Variants in COL4A1 observed in about 807,000 individuals in gnomAD.
The protein encoded by COL4A1 is collagen alpha-1(IV) chain.
Under a neutral mutation model 216.6 loss-of-function variants are expected in COL4A1, and 40 were observed. The ratio of observed to expected loss-of-function variants is 0.18; its 90% CI spans 0.14 to 0.24. The LOEUF (loss-of-function observed/expected upper bound fraction) is 0.24, where lower values mean the gene tolerates loss of function less well. COL4A1 is among the 10% of genes least tolerant of loss of function. The pLI is 1.00. For synonymous variants in COL4A1, 839 were observed against 810.7 expected, an observed-to-expected ratio of 1.03 and a Z score of -0.59; for missense variants, 1,628 against 2,196.8, an observed-to-expected ratio of 0.74 and a Z score of 5.18.
chr13:110,259,963 G>C (rs779336263), intron 1 of COL4A1, among the ~76,000 whole-genome samples: 1 of 152,216 alleles, frequency 6.6e-6, no homozygotes, highest in African/African-American at 2.4e-5. Context: ...CTGCATCCCC[G>C]TTACTCTGAA....
chr13:110,172,568 A>G (rs555769888), intron 41 of COL4A1, 152 bp downstream of exon 41: 2 of 762,026 alleles, frequency 2.6e-6, no homozygotes, highest in African/African-American at 3.4e-5. Flanking sequence ...TGTGTCTTGC[A>G]GGCATTGCCC....
At chr13:110,181,797 T>A (rs1878170656) in intron 28 of COL4A1, among the ~76,000 whole-genome samples, 1 of 152,114 alleles carries the variant, frequency 6.6e-6, no homozygotes, top group African/African-American at 2.4e-5. Flanking sequence ...CAGGGGTCTA[T>A]AAGGCAGGCC....
chr13:110,169,086 T>C (rs1877481763), intron 43 of COL4A1, among the ~76,000 whole-genome samples: 1 of 151,252 alleles, frequency 6.6e-6, no homozygotes, highest in South Asian at 2.1e-4. Context: ...GGTCACTTAT[T>C]GCACCCTGAG....
At chr13:110,213,616 G>A (rs886080951) in intron 4 of COL4A1, among the ~76,000 whole-genome samples, 166 bp downstream of exon 4, 6 of 152,158 alleles carry the variant, frequency 3.9e-5, no homozygotes, top group Admixed American at 3.3e-4. Flanking sequence ...AGGGAGTCAC[G>A]GGCTGCTCCT....
At position 110,253,340 on chromosome 13, in the gene COL4A1, A is replaced by G. The variant is rs1396828584; in HGVS notation, c.85-10606T>C. Among the ~76,000 whole-genome samples the G allele has an allele frequency of 4.6e-5, 3 of 64,630 alleles. 1 individual carries two copies. Among genetic ancestry groups the G allele is most frequent in the Admixed American group, 2.1e-4 (1 of 4,736 alleles). 42.4% of individuals were successfully genotyped at this position (64,630 alleles called of 152,430 possible). The stretch of plus-strand genomic sequence containing the variant: ...ATATACATATAATTATATGTATTAC[A>G]TATACATATAATTATATGTATTACA... On this transcript the variant is annotated intron_variant, in intron 1 of 51. Coordinates refer to ENST00000375820, the MANE Select transcript of COL4A1 (RefSeq NM_001845.6).
chr13:110,238,063 T>C (rs1196077764), intron 2 of COL4A1, among the ~76,000 whole-genome samples: 2 of 152,344 alleles, frequency 1.3e-5, no homozygotes, highest in South Asian at 4.1e-4. Context: ...GCAGTCTTGG[T>C]TGTTCTATCT....
chr13:110,222,505 G>A (rs189699991), intron 2 of COL4A1, among the ~76,000 whole-genome samples: 3 of 136,704 alleles, frequency 2.2e-5, no homozygotes, highest in Non-Finnish European at 3.3e-5. Flanking sequence ...CGGGCGCGGT[G>A]GCTCACGCCT....
At chr13:110,247,364 T>G (rs1881864757) in intron 1 of COL4A1, among the ~76,000 whole-genome samples, 1 of 151,958 alleles carries the variant, frequency 6.6e-6, no homozygotes, top group African/African-American at 2.4e-5. Context: ...ATGAAAGGAA[T>G]GCAAAAGGTA....
intron 1 of COL4A1, among the ~76,000 whole-genome samples, chr13:110,293,608 G>A (rs886928266): frequency 4.6e-5 from 7 of 152,148 alleles, no homozygotes; most frequent in Admixed American, 6.5e-5. Context: ...CTGCACTTTC[G>A]AACATGCTGT....
chr13:110,229,999 T>A (rs1264357954), intron 2 of COL4A1, among the ~76,000 whole-genome samples: 4 of 152,114 alleles, frequency 2.6e-5, no homozygotes, highest in African/African-American at 9.7e-5. Flanking sequence ...TCCTGTCCCC[T>A]TCCACAGCAT....
At chr13:110,272,173 C>T (rs670846) in intron 1 of COL4A1, among the ~76,000 whole-genome samples, 152,050 of 152,378 alleles carry the variant, frequency 1, 75,861 homozygotes, top group Middle Eastern at 1. Flanking sequence ...CTGTAATGTA[C>T]AGCACATAGG....
Position 110,179,486 on chromosome 13 carries a change from T to C in COL4A1, c.2194-65A>G, listed in dbSNP as rs1878052859. On this transcript the variant is annotated intron_variant, in intron 29 of 51. Coordinates refer to ENST00000375820, the MANE Select transcript of COL4A1 (RefSeq NM_001845.6). ...AAAGTCAGTATTTTTATCAAACCAA[T>C]AGCGTAAGTGAAGACTTAACAGATA... 13 of 1,609,406 alleles carry C rather than the reference T, an allele frequency of 8.1e-6. No homozygotes were observed. In the Admixed American group the frequency reaches 1.7e-4, roughly 21 times the overall value.
chr13:110,204,187 AT>A (rs1879381296), intron 17 of COL4A1, among the ~76,000 whole-genome samples: 1 of 152,134 alleles, frequency 6.6e-6, no homozygotes, highest in African/African-American at 2.4e-5. Flanking sequence ...TTCATATCAA[AT>A]ATTTTTATAT....
intron 1 of COL4A1, among the ~76,000 whole-genome samples, chr13:110,293,676 T>C (rs1263097280): frequency 6.6e-6 from 1 of 152,172 alleles, no homozygotes; most frequent in Non-Finnish European, 1.5e-5. Context: ...AAGAAGACAA[T>C]TGCCAATTAA....
intron 1 of COL4A1, among the ~76,000 whole-genome samples, chr13:110,302,444 G>T (rs757690449): frequency 5.3e-5 from 8 of 152,066 alleles, no homozygotes; most frequent in Non-Finnish European, 1.2e-4. Context: ...CAGACCCCCA[G>T]TGGAAGTTAG....
chr13:110,241,811 T>C (rs1321088051), intron 2 of COL4A1, among the ~76,000 whole-genome samples: 1 of 152,202 alleles, frequency 6.6e-6, no homozygotes, highest in Non-Finnish European at 1.5e-5. Context: ...TGTGGCCCCA[T>C]AAAACCTCTG....
intron 1 of COL4A1, among the ~76,000 whole-genome samples, chr13:110,285,366 T>C (rs1424187439): frequency 6.6e-6 from 1 of 152,232 alleles, no homozygotes; most frequent in East Asian, 1.9e-4. Context: ...AATCCGTGAA[T>C]ACAGAGTTTT....
chr13:110,215,590 C>T (rs886882933), intron 2 of COL4A1, among the ~76,000 whole-genome samples: 17 of 150,418 alleles, frequency 1.1e-4, no homozygotes, highest in Non-Finnish European at 2.5e-4. Flanking sequence ...CAACCCATAA[C>T]CATTGTAAGA....
chr13:110,272,147 T>C (rs539285520), intron 1 of COL4A1, among the ~76,000 whole-genome samples: 1 of 152,378 alleles, frequency 6.6e-6, no homozygotes, highest in East Asian at 1.9e-4. Flanking sequence ...CCTTTAAAGT[T>C]TTACTGTTTT....
Sources: allele counts gnomAD v4.1 joint callset (sites outside exome capture counted in the v4.1 genomes callset), GRCh38; gene constraint gnomAD v4.1.1; transcripts MANE v1.5; gene names NCBI Gene and HGNC (gene_info 2026-07-23, HGNC 2026-07-21).